PRKCH: variants seen among roughly 807,000 people sequenced by gnomAD.
The protein encoded by PRKCH is protein kinase C eta type.
In PRKCH, 28 loss-of-function variants were observed where a neutral mutation model predicts 82.5. The ratio of observed to expected loss-of-function variants is 0.34; its 90% CI spans 0.25 to 0.47. PRKCH has a LOEUF of 0.47. Ranked by LOEUF, PRKCH falls within the 20% of genes least tolerant of loss-of-function variation. PRKCH has a pLI of 1.00. For missense variants in PRKCH, 705 were observed against 881.8 expected, an observed-to-expected ratio of 0.80 and a Z score of 2.54; for synonymous variants, 322 against 327.4, an observed-to-expected ratio of 0.98 and a Z score of 0.18.
chr14:61,282,448 T>A (rs748288979), intron 1 of PRKCH, among the ~76,000 whole-genome samples: 20 of 152,124 alleles, frequency 1.3e-4, no homozygotes, highest in Non-Finnish European at 2.8e-4. Context: ...TAGCATAATA[T>A]ATTATATTCA....
chr14:61,448,361 T>A (rs1163241168), intron 4 of PRKCH, among the ~76,000 whole-genome samples: 4 of 152,236 alleles, frequency 2.6e-5, no homozygotes, highest in African/African-American at 9.6e-5. Context: ...GTATCACTTA[T>A]CTAGATGAGA....
At chr14:61,204,063 T>C (rs2044504178) in intron 1 of PRKCH, among the ~76,000 whole-genome samples, 1 of 151,244 alleles carries the variant, frequency 6.6e-6, no homozygotes, top group African/African-American at 2.5e-5. Context: ...AATTATAATG[T>C]ATTTAACTAA....
chr14:61,388,775 G>A (rs2046628995), intron 1 of PRKCH, among the ~76,000 whole-genome samples: 1 of 152,156 alleles, frequency 6.6e-6, no homozygotes, highest in Non-Finnish European at 1.5e-5. Context: ...TTCACAAGTG[G>A]TATTAAGATA....
At chr14:61,399,012 G>A (rs762867656) in intron 2 of PRKCH, among the ~76,000 whole-genome samples, 2 of 152,184 alleles carry the variant, frequency 1.3e-5, no homozygotes, top group African/African-American at 4.8e-5. Context: ...AGGTGTGATT[G>A]TGGTATTGTG....
In PRKCH at chr14:61,272,340, C is replaced by CTTTTTTTTTTTTTTTTTTTT. The variant is rs1335053986; in HGVS notation, c.-19+84675_-19+84676insTTTTTTTTTTTTTTTTTTTT. Among the ~76,000 whole-genome samples, 4 of 97,838 alleles carry CTTTTTTTTTTTTTTTTTTTT rather than the reference C, an allele frequency of 4.1e-5. 1 individual carries two copies. Among genetic ancestry groups the CTTTTTTTTTTTTTTTTTTTT allele is most frequent in the African/African-American group, 8.0e-5 (2 of 24,948 alleles). The allele number at this position is 97,838 out of a possible 152,430, so 64.2% of individuals were successfully genotyped here. A position where few individuals can be genotyped will look rare whatever the true frequency, so the allele number is the denominator to read the frequency against. ...TAGATTTCTTTTTCTTTTCTTTTTT[C>CTTTTTTTTTTTTTTTTTTTT]TTTCTTTTTTTTTTTTTTTTTTTTT... On this transcript the variant is annotated intron_variant, in intron 1 of 3. Coordinates refer to the PRKCH transcript ENST00000555185.
intron 1 of PRKCH, among the ~76,000 whole-genome samples, chr14:61,294,484 A>G (rs1224327404): frequency 1.3e-5 from 2 of 151,870 alleles, no homozygotes; most frequent in Non-Finnish European, 2.9e-5. Context: ...ATTTATTAAT[A>G]TTATTTATGT....
intron 1 of PRKCH, among the ~76,000 whole-genome samples, chr14:61,312,556 A>C (rs557729412): frequency 4.0e-4 from 61 of 152,216 alleles, no homozygotes; most frequent in South Asian, 6.2e-4. Context: ...GAGAATGGGT[A>C]ATTTTTTTTA....
At chr14:61,223,483 C>G (rs1200878961) in intron 1 of PRKCH, among the ~76,000 whole-genome samples, 1 of 152,156 alleles carries the variant, frequency 6.6e-6, no homozygotes, top group African/African-American at 2.4e-5. Context: ...TGCCTGCAAC[C>G]CACAACCTCA....
chr14:61,540,500 G>A (rs2043169605), intron 12 of PRKCH, among the ~76,000 whole-genome samples: 1 of 152,190 alleles, frequency 6.6e-6, no homozygotes, highest in Non-Finnish European at 1.5e-5. Context: ...CAAACTGTGT[G>A]ACAGGTTACA....
intron 2 of PRKCH, among the ~76,000 whole-genome samples, chr14:61,393,794 T>C (rs1012942714): frequency 6.6e-6 from 1 of 152,230 alleles, no homozygotes; most frequent in Non-Finnish European, 1.5e-5. Context: ...GGTTCCATAT[T>C]GAGTTCTATT....
intron 1 of PRKCH, among the ~76,000 whole-genome samples, chr14:61,213,648 C>CA (rs1425801765): frequency 6.6e-6 from 1 of 152,126 alleles, no homozygotes; most frequent in Non-Finnish European, 1.5e-5. Context: ...AACTAGTGGG[C>CA]AAAAATATCT....
intron 7 of PRKCH, among the ~76,000 whole-genome samples, chr14:61,453,568 C>G (rs1209846768): frequency 6.8e-6 from 1 of 147,760 alleles, no homozygotes; most frequent in African/African-American, 2.5e-5. Context: ...TTCTCTCTTT[C>G]TCCCTTTTTT....
intron 10 of PRKCH, among the ~76,000 whole-genome samples, chr14:61,502,085 G>A (rs1886943402): frequency 2.9e-5 from 2 of 68,038 alleles, no homozygotes; most frequent in South Asian, 4.7e-4. Context: ...TTTTTTTTCC[G>A]AGATGGAGTC....
chr14:61,269,433 G>C (rs1312074830), intron 1 of PRKCH, among the ~76,000 whole-genome samples: 1 of 152,026 alleles, frequency 6.6e-6, no homozygotes, highest in Non-Finnish European at 1.5e-5. Context: ...CACGTTATGG[G>C]GTTTGTTGTA....
chr14:61,342,938 C>T (rs954539444), intron 1 of PRKCH, among the ~76,000 whole-genome samples: 1 of 152,218 alleles, frequency 6.6e-6, no homozygotes, highest in Admixed American at 6.5e-5. Flanking sequence ...AACTGTGTCG[C>T]CTCATTCTCA....
chr14:61,380,349 C>A (rs1032155486), intron 1 of PRKCH, among the ~76,000 whole-genome samples: 1 of 152,106 alleles, frequency 6.6e-6, no homozygotes, highest in African/African-American at 2.4e-5. Context: ...GCCTTGGCCT[C>A]CCAAAGTGTT....
intron 1 of PRKCH, among the ~76,000 whole-genome samples, chr14:61,310,866 A>T (rs184964294): frequency 1.3e-5 from 2 of 152,260 alleles, no homozygotes; most frequent in Non-Finnish European, 2.9e-5. Context: ...CTCCAACCTC[A>T]ATTATTGACT....
intron 1 of PRKCH, among the ~76,000 whole-genome samples, chr14:61,349,406 T>G (rs761827960): frequency 6.6e-6 from 1 of 152,204 alleles, no homozygotes; most frequent in Non-Finnish European, 1.5e-5. Flanking sequence ...ATCAAGGTTC[T>G]GAGAGATTAG....
intron 1 of PRKCH, among the ~76,000 whole-genome samples, chr14:61,236,374 T>C (rs1405348079): frequency 1.3e-5 from 2 of 152,080 alleles, no homozygotes; most frequent in South Asian, 2.1e-4. Context: ...CAGCACAAGA[T>C]ACAGGTCATA....
Sources: allele counts gnomAD v4.1 joint callset (sites outside exome capture counted in the v4.1 genomes callset), GRCh38; gene constraint gnomAD v4.1.1; transcripts MANE v1.5; gene names NCBI Gene and HGNC (gene_info 2026-07-23, HGNC 2026-07-21).